KRAS: variants seen among roughly 807,000 people sequenced by gnomAD.
KRAS encodes the protein KRas proto-oncogene, GTPase.
Under a neutral mutation model 21.0 loss-of-function variants are expected in KRAS, and 1 was observed. The observed-to-expected ratio is 0.05, with a 90% CI of 0.02 to 0.23. The LOEUF (loss-of-function observed/expected upper bound fraction) is 0.23. Ranked by LOEUF, KRAS falls within the 10% of genes least tolerant of loss-of-function variation. KRAS has a pLI of 1.00. For missense variants in KRAS, 107 were observed against 221.8 expected, an observed-to-expected ratio of 0.48 and a Z score of 3.29; for synonymous variants, 67 against 72.5, an observed-to-expected ratio of 0.92 and a Z score of 0.39.
intron 1 of KRAS, 38 bp downstream of exon 1, chr12:25,250,713 C>G (rs999106112): frequency 1.1e-5 from 2 of 183,316 alleles, no homozygotes; most frequent in African/African-American, 2.4e-5. Flanking sequence ...AGGGTCGGGA[C>G]CCGGGCAGGG....
Position 25,249,980 on chromosome 12 carries a change from C to T in KRAS, c.-12+771G>A, listed in dbSNP as rs1359636011. Among the ~76,000 whole-genome samples the T allele has an allele frequency of 2.0e-5, 3 of 152,182 alleles. No homozygotes were observed. In the East Asian group the frequency reaches 5.8e-4, roughly 29 times the overall value. ...TTTTCACTGTAGGTCACAGGCTCTA[C>T]GTGTAGGGTGTTGGCCACCTGTTCT... On this transcript the variant is annotated intron_variant, in intron 1 of 4. Coordinates refer to ENST00000311936, the MANE Select transcript of KRAS (RefSeq NM_004985.5).
At chr12:25,231,839 A>G (rs1951475598) in intron 2 of KRAS, among the ~76,000 whole-genome samples, 1 of 152,244 alleles carries the variant, frequency 6.6e-6, no homozygotes, top group African/African-American at 2.4e-5. Context: ...TAAAAACTAA[A>G]GAAGAAAAAG....
In KRAS at chr12:25,206,982, C is replaced by T. The variant is rs1951145302; in HGVS notation, c.*2813G>A. 9.7e-6 allele frequency: 2 copies of T among 205,382 alleles called. No individual in the cohort carries two copies. The highest frequency in any genetic ancestry group is 2.0e-5 in the Non-Finnish European group (2 of 100,450). The allele number at this position is 205,382 out of a possible 1,614,324, so 12.7% of individuals were successfully genotyped here. ...TCCTTTAAAACAATGAAGTGATTTA[C>T]ATAAAGTAGCTTGATCGAAGAGTTT... On this transcript the variant is annotated 3_prime_UTR_variant, in exon 5 of 5. Transcript: ENST00000311936.
intron 4 of KRAS, among the ~76,000 whole-genome samples, chr12:25,212,664 A>C (rs1239698491): frequency 6.6e-6 from 1 of 152,232 alleles, no homozygotes; most frequent in Non-Finnish European, 1.5e-5. Context: ...TCATATGAGA[A>C]CTAATCATTC....
chr12:25,231,018 A>G (rs1376244579), intron 2 of KRAS, among the ~76,000 whole-genome samples: 2 of 150,020 alleles, frequency 1.3e-5, no homozygotes, highest in Non-Finnish European at 3.0e-5. Context: ...GAGTCAACCC[A>G]TTACCCAGGC....
At chr12:25,213,082 T>A (rs940375513) in intron 4 of KRAS, among the ~76,000 whole-genome samples, 26 of 152,044 alleles carry the variant, frequency 1.7e-4, no homozygotes, top group African/African-American at 2.7e-4. Flanking sequence ...AATTTTTTTT[T>A]AAATTGTATT....
At chr12:25,217,035 C>T (rs1228260508) in intron 4 of KRAS, among the ~76,000 whole-genome samples, 1 of 152,098 alleles carries the variant, frequency 6.6e-6, no homozygotes, top group Non-Finnish European at 1.5e-5. Context: ...GATTGGCATA[C>T]ATATTTTAGC....
chr12:25,216,197 CTGCTTACCAT>C lies in KRAS; in HGVS notation c.451-6296_451-6287del, dbSNP rs1336611313. Among the ~76,000 whole-genome samples, 6 of 152,274 alleles carry C rather than the reference CTGCTTACCAT, an allele frequency of 3.9e-5. No individual in the cohort carries two copies. The East Asian group carries it at 1.2e-3, about 29-fold the overall frequency. ...ACATTATTAAAATCTTAAATGAGAG[CTGCTTACCAT>C]AATATAAAAACATCATGAATTAAAG... On this transcript the variant is annotated intron_variant, in intron 4 of 4. Coordinates refer to ENST00000311936, the MANE Select transcript of KRAS (RefSeq NM_004985.5).
chr12:25,222,014 TGG>T (rs1338159218), intron 4 of KRAS, among the ~76,000 whole-genome samples: 2 of 151,842 alleles, frequency 1.3e-5, no homozygotes, highest in Non-Finnish European at 2.9e-5. Context: ...CAAGGCATGG[TGG>T]CGGGTGCCTG....
chr12:25,222,174 A>AAAAT (rs139753860), intron 4 of KRAS, among the ~76,000 whole-genome samples: 13,151 of 148,190 alleles, frequency 0.089, 633 homozygotes, highest in African/African-American at 0.11. Flanking sequence ...GAAAGAAAGA[A>AAAAT]AAATAAATAA....
chr12:25,231,209 C>T (rs996717213), intron 2 of KRAS, among the ~76,000 whole-genome samples: 5 of 146,054 alleles, frequency 3.4e-5, no homozygotes, highest in Non-Finnish European at 7.4e-5. Flanking sequence ...TCAAGCGATT[C>T]TCCTACCTCA....
At chr12:25,215,315 C>A (rs1164723778) in intron 4 of KRAS, 16 of 1,413,806 alleles carry the variant, frequency 1.1e-5, no homozygotes, top group Non-Finnish European at 1.5e-5. Flanking sequence ...AAACAAGTTT[C>A]TTATCTTTTA....
chr12:25,225,286 T>TTATTTTTTTATATA (rs1486092988), intron 4 of KRAS: 16 of 10,618 alleles, frequency 1.5e-3, no homozygotes, highest in South Asian at 4.7e-3. Context: ...GCCCTGTTCT[T>TTATTTTTTTATATA]TATATATATA....
chr12:25,237,736 T>C (rs1385670287), intron 2 of KRAS, among the ~76,000 whole-genome samples: 1 of 152,202 alleles, frequency 6.6e-6, no homozygotes, highest in Non-Finnish European at 1.5e-5. Context: ...CATAGATTAA[T>C]ATTAAAGACC....
At chr12:25,236,021 G>A (rs890453266) in intron 2 of KRAS, among the ~76,000 whole-genome samples, 8 of 152,132 alleles carry the variant, frequency 5.3e-5, no homozygotes, top group South Asian at 2.1e-4. Flanking sequence ...ACCTCCTTCC[G>A]GCTGTGCAGC....
chr12:25,233,957 T>C (rs1182143338), intron 2 of KRAS: 1 of 193,086 alleles, frequency 5.2e-6, no homozygotes, highest in African/African-American at 2.3e-5. Context: ...TACTACATAT[T>C]TGAAATGAAT....
chr12:25,235,289 G>A (rs906963026), intron 2 of KRAS: 6 of 488,852 alleles, frequency 1.2e-5, no homozygotes, highest in African/African-American at 5.8e-5. Flanking sequence ...TTACTCTTCC[G>A]AAAGGTTATT....
At chr12:25,247,908 T>A (rs1400138535) in intron 1 of KRAS, among the ~76,000 whole-genome samples, 1 of 152,256 alleles carries the variant, frequency 6.6e-6, no homozygotes, top group Admixed American at 6.5e-5. Context: ...AATATTTTAT[T>A]CATGTTACCA....
intron 4 of KRAS, among the ~76,000 whole-genome samples, chr12:25,219,210 A>G (rs893266443): frequency 6.6e-6 from 1 of 152,216 alleles, no homozygotes; most frequent in Non-Finnish European, 1.5e-5. Context: ...TGCTAGGATT[A>G]TAGGCATGAG....
Sources: allele counts gnomAD v4.1 joint callset (sites outside exome capture counted in the v4.1 genomes callset), GRCh38; gene constraint gnomAD v4.1.1; transcripts MANE v1.5; gene names NCBI Gene and HGNC (gene_info 2026-07-23, HGNC 2026-07-21).